The following PTPN14 variants were observed in gnomAD, a reference collection of about 807,000 sequenced individuals.
PTPN14 encodes protein tyrosine phosphatase non-receptor type 14, also known as tyrosine-protein phosphatase non-receptor type 14.
A neutral mutation model predicts 126.8 loss-of-function variants in PTPN14; 53 were observed. That is an observed-to-expected ratio of 0.42 (90% CI 0.34 to 0.53). The LOEUF (loss-of-function observed/expected upper bound fraction) is 0.53, where lower values mean the gene tolerates loss of function less well. PTPN14 is among the 20% of genes least tolerant of loss of function. PTPN14 has a pLI of 0.08. For synonymous variants in PTPN14, 630 were observed against 599.3 expected (o/e 1.05, Z -0.75); for missense variants, 1,257 against 1,552.9 (o/e 0.81, Z 3.20).
chr1:214,488,089 G>A (rs1265380555), intron 1 of PTPN14, among the ~76,000 whole-genome samples: 2 of 152,136 alleles, frequency 1.3e-5, no homozygotes, highest in Admixed American at 6.5e-5. Flanking sequence ...GAGAAAGCAA[G>A]GGTCCTATAC....
chr1:214,495,225 C>T (rs1205190571), intron 1 of PTPN14, among the ~76,000 whole-genome samples: 1 of 152,190 alleles, frequency 6.6e-6, no homozygotes, highest in Admixed American at 6.5e-5. Context: ...ACTCTCTGAG[C>T]GTTGGTTCCC....
At chr1:214,451,293 T>C (rs1660268545) in intron 3 of PTPN14, among the ~76,000 whole-genome samples, 1 of 152,066 alleles carries the variant, frequency 6.6e-6, no homozygotes, top group African/African-American at 2.4e-5. Context: ...CCCGAGGAGC[T>C]GGAACTAAAA....
At chr1:214,507,258 A>G (rs75623632) in intron 1 of PTPN14, among the ~76,000 whole-genome samples, 271 of 152,330 alleles carry the variant, frequency 1.8e-3, no homozygotes, top group African/African-American at 6.3e-3. Flanking sequence ...GGCATGTTGC[A>G]GGGATTAACC....
chr1:214,545,067 T>C (rs1191566074), intron 1 of PTPN14, among the ~76,000 whole-genome samples: 2 of 151,958 alleles, frequency 1.3e-5, no homozygotes, highest in East Asian at 3.9e-4. Flanking sequence ...CTAGCACAGA[T>C]AGAGAGAAAG....
chr1:214,437,554 C>T (rs917954597), intron 3 of PTPN14, among the ~76,000 whole-genome samples: 1 of 152,066 alleles, frequency 6.6e-6, no homozygotes, highest in African/African-American at 2.4e-5. Flanking sequence ...TTGTGCATTA[C>T]AGAAGTTGAA....
intron 1 of PTPN14, among the ~76,000 whole-genome samples, chr1:214,471,580 T>C (rs745496427): frequency 2.6e-5 from 4 of 152,124 alleles, no homozygotes; most frequent in Non-Finnish European, 5.9e-5. Context: ...AAAGAGGAAA[T>C]TGAGTACTTG....
chr1:214,491,471 C>T (rs1302625080), intron 1 of PTPN14, among the ~76,000 whole-genome samples: 3 of 152,134 alleles, frequency 2.0e-5, no homozygotes, highest in Non-Finnish European at 4.4e-5. Flanking sequence ...GGAATAAAAC[C>T]GTTGGACCTC....
chr1:214,391,524 T>C (rs1247657781), intron 10 of PTPN14, among the ~76,000 whole-genome samples: 3 of 152,158 alleles, frequency 2.0e-5, no homozygotes, highest in Non-Finnish European at 2.9e-5. Context: ...TTTATTAAGA[T>C]AACACATTTT....
intron 11 of PTPN14, among the ~76,000 whole-genome samples, chr1:214,388,660 G>A (rs1204325981): frequency 2.0e-5 from 3 of 152,098 alleles, no homozygotes; most frequent in Non-Finnish European, 2.9e-5. Context: ...CACCCACCTT[G>A]GCCTCCCAAA....
chr1:214,382,739 T>G (rs3002296), intron 13 of PTPN14, among the ~76,000 whole-genome samples: 37,228 of 152,176 alleles, frequency 0.24, 4,676 homozygotes, highest in East Asian at 0.34. Flanking sequence ...GTGTGTGAAT[T>G]TTTGACAGAA....
chr1:214,483,195 A>C, intron 1 of PTPN14: 1 of 1,607,198 alleles, frequency 6.2e-7, no homozygotes. Flanking sequence ...TAATGTCTAT[A>C]AATCAGTTTG....
At chr1:214,375,125 T>C (rs1274264104) in intron 15 of PTPN14, among the ~76,000 whole-genome samples, 2 of 152,176 alleles carry the variant, frequency 1.3e-5, no homozygotes, top group Non-Finnish European at 2.9e-5. Flanking sequence ...GACAGTACTT[T>C]CTAATTATTA....
At chr1:214,442,646 T>C (rs992760146) in intron 3 of PTPN14, among the ~76,000 whole-genome samples, 1 of 152,160 alleles carries the variant, frequency 6.6e-6, no homozygotes, top group Admixed American at 6.5e-5. Context: ...AAAAGAACAC[T>C]GATTTATTTT....
intron 2 of PTPN14, among the ~76,000 whole-genome samples, chr1:214,463,499 C>G (rs1003827708): frequency 2.0e-5 from 3 of 152,172 alleles, no homozygotes; most frequent in African/African-American, 4.8e-5. Flanking sequence ...CCAAGAACAG[C>G]AGGAGACAGA....
Position 214,364,648 on chromosome 1 carries a change from C to T in PTPN14, c.3299G>A (p.Arg1100His), listed in dbSNP as rs140773516. Residue 1100 changes from arginine (R) to histidine (H), a missense_variant, in exon 18 of 19, where the codon CGT (arginine) becomes CAT (histidine). Transcript: ENST00000366956. The surrounding 1 kb of genome is among the most constrained non-coding windows in gnomAD (Gnocchi z 4.1). ...TTCCAGCATGCTGTTGGTATGGCGA[C>T]GGACCGACTGGATCTCCTCCAAGTA... ...LSYLEEIQSVRRHTNSMLEGT... is the reference protein window; with the variant it reads ...LSYLEEIQSVHRHTNSMLEGT... The T allele has an allele frequency of 3.7e-6, 6 of 1,613,772 alleles. No individual in the cohort carries two copies. In the African/African-American group the frequency reaches 4.0e-5, roughly 11 times the overall value.
Position 214,353,812 on chromosome 1 carries a change from G to A in PTPN14, c.*4110C>T, listed in dbSNP as rs1417148915. 2.0e-5 allele frequency: 3 copies of A among 152,372 alleles called. No individual in the cohort carries two copies. Among genetic ancestry groups the A allele is most frequent in the African/African-American group, 7.2e-5 (3 of 41,584 alleles). 9.4% of individuals were successfully genotyped at this position (152,372 alleles called of 1,614,324 possible). On this transcript the variant is annotated 3_prime_UTR_variant, in exon 19 of 19. Coordinates refer to ENST00000366956, the MANE Select transcript of PTPN14 (RefSeq NM_005401.5). ...CGTGAAAAGAGCTGGGCCACCCAGG[G>A]TATACCTTTTGTGTTCATTAGCACT...
chr1:214,400,975 C>T (rs1659001610), intron 7 of PTPN14, among the ~76,000 whole-genome samples: 1 of 152,140 alleles, frequency 6.6e-6, no homozygotes, highest in Admixed American at 6.5e-5. Context: ...GCAGGCATCT[C>T]CCAAATTGCT....
intron 1 of PTPN14, among the ~76,000 whole-genome samples, chr1:214,504,626 C>G (rs1223539157): frequency 6.6e-6 from 1 of 152,174 alleles, no homozygotes; most frequent in Non-Finnish European, 1.5e-5. Flanking sequence ...TGAAATCGTA[C>G]TAAGACACTT....
At chr1:214,518,347 T>C (rs1052385508) in intron 1 of PTPN14, among the ~76,000 whole-genome samples, 2 of 152,220 alleles carry the variant, frequency 1.3e-5, no homozygotes, top group Admixed American at 1.3e-4. Context: ...AAACAGCCCT[T>C]TTAGAATCTG....
Sources: allele counts gnomAD v4.1 joint callset (sites outside exome capture counted in the v4.1 genomes callset), GRCh38; gene constraint gnomAD v4.1.1; non-coding constraint Gnocchi (gnomAD v3.1); transcripts MANE v1.5; gene names NCBI Gene and HGNC (gene_info 2026-07-23, HGNC 2026-07-21).